The following PMPCB variants were observed in gnomAD, a reference collection of about 807,000 sequenced individuals.
PMPCB encodes mitochondrial-processing peptidase subunit beta.
In PMPCB, 46 loss-of-function variants were observed where a neutral mutation model predicts 61.5. The ratio of observed to expected loss-of-function variants is 0.75; its 90% CI spans 0.59 to 0.96. PMPCB has a LOEUF of 0.96. Among genes scored for constraint, PMPCB ranks in the 40% least tolerant of loss-of-function variants. The pLI is 0.00. For synonymous variants in PMPCB, 191 were observed against 201.6 expected, an observed-to-expected ratio of 0.95 and a Z score of 0.44; for missense variants, 590 against 602.4, an observed-to-expected ratio of 0.98 and a Z score of 0.22.
chr7:103,331,360 GAACATTTC>G (rs1040995875), downstream of PMPCB, among the ~76,000 whole-genome samples: 2 of 152,162 alleles, frequency 1.3e-5, no homozygotes, highest in Non-Finnish European at 2.9e-5. Context: ...TATGTATTGT[GAACATTTC>G]AAGTTCTGTC....
At chr7:103,330,604 A>T (rs1025838971), downstream of PMPCB, among the ~76,000 whole-genome samples, 7 of 152,178 alleles carry the variant, frequency 4.6e-5, no homozygotes, top group African/African-American at 1.7e-4. Flanking sequence ...GCCATGTGCC[A>T]CTACGCCCGG....
the PMPCB span, among the ~76,000 whole-genome samples, chr7:103,346,425 C>T: frequency 9.9e-5 from 15 of 152,144 alleles, no homozygotes; most frequent in Admixed American, 9.8e-4. Context: ...GCCACGGTGC[C>T]CGGTCGGGGG....
At chr7:103,304,546 C>T in intron 6 of PMPCB, 56 bp downstream of exon 6, 1 of 1,141,562 alleles carries the variant, frequency 8.8e-7, no homozygotes, top group Non-Finnish European at 1.3e-6. Context: ...GAGTGGTATG[C>T]TTATTAGTTT....
chr7:103,302,208 C>CA (rs1586040874), intron 4 of PMPCB, among the ~76,000 whole-genome samples: 1 of 152,080 alleles, frequency 6.6e-6, no homozygotes, highest in East Asian at 1.9e-4. Flanking sequence ...CATTGATGGA[C>CA]ATTTGGGTTG....
Position 103,328,492 on chromosome 7 carries a change from G to A in PMPCB, c.*1432-439G>A, listed in dbSNP as rs545762072. On this transcript the variant is annotated intron_variant and NMD_transcript_variant, in intron 12 of 12. Coordinates refer to the PMPCB transcript ENST00000444457. ...CTAAAAATACAAAAACTAGCTGGGC[G>A]TGGTGGTGCATGCCTGTGGTCCCAG... 1.2e-3 allele frequency among the ~76,000 whole-genome samples: 189 copies of A among 152,072 alleles called. 1 individual carries two copies. The highest frequency in any genetic ancestry group is 2.3e-3 in the Non-Finnish European group (154 of 67,982).
downstream of PMPCB, among the ~76,000 whole-genome samples, chr7:103,319,377 TAG>T (rs1199172944): frequency 4.6e-5 from 7 of 151,132 alleles, no homozygotes; most frequent in Non-Finnish European, 1.0e-4. Flanking sequence ...GCGGAGGTTG[TAG>T]TGAGCCAAGA....
chr7:103,345,608 T>A, the PMPCB span, among the ~76,000 whole-genome samples: 1 of 147,510 alleles, frequency 6.8e-6, no homozygotes, highest in South Asian at 2.1e-4. Flanking sequence ...TTAAATATAT[T>A]ATATATATAT....
At chr7:103,297,857 C>G in intron 1 of PMPCB, 1 of 1,472,844 alleles carries the variant, frequency 6.8e-7, no homozygotes, top group Non-Finnish European at 9.0e-7. Context: ...TTGGGGAAAA[C>G]TAAAAAGTGA....
At chr7:103,303,814 C>T (rs377561310) in intron 4 of PMPCB, 28 bp from the exon 5 acceptor site, 57 of 1,508,824 alleles carry the variant, frequency 3.8e-5, no homozygotes, top group African/African-American at 3.4e-4. Flanking sequence ...ATTGCTGGCA[C>T]GTTTTCTTAT....
At chr7:103,297,654 G>A (rs775649173) in intron 1 of PMPCB, 96 bp downstream of exon 1, 1 of 1,565,280 alleles carries the variant, frequency 6.4e-7, no homozygotes, top group Non-Finnish European at 8.6e-7. Context: ...ACAGTGGGTC[G>A]GGCAGGGCCT....
At chr7:103,341,891 T>C in the PMPCB span, 3 of 1,613,154 alleles carry the variant, frequency 1.9e-6, no homozygotes, top group East Asian at 2.2e-5. Context: ...AGCATTTCTG[T>C]TTCTCCTCTT....
rs1008609610 is a variant in PMPCB, at chr7:103,298,516, C to T, written c.100-52C>T. 11 of 1,526,950 alleles carry T rather than the reference C, an allele frequency of 7.2e-6. No homozygotes were observed. In the Admixed American group the frequency reaches 9.6e-5, roughly 13 times the overall value. The allele number at this position is 1,526,950 out of a possible 1,614,324, so 94.6% of individuals were successfully genotyped here. On this transcript the variant is annotated intron_variant, in intron 1 of 12. Coordinates refer to ENST00000249269, the MANE Select transcript of PMPCB (RefSeq NM_004279.3). ...TGGTTTTAAAAGCAACATTTAATAT[C>T]AGATTAGTAATGTGTTTTGCTTTGT...
chr7:103,337,955 T>C, the PMPCB span: 1 of 631,858 alleles, frequency 1.6e-6, no homozygotes, highest in Admixed American at 2.8e-5. Flanking sequence ...CCAGGGTCTA[T>C]GGTCAGGTAA....
downstream of PMPCB, among the ~76,000 whole-genome samples, chr7:103,333,638 C>T (rs1434993123): frequency 6.6e-6 from 1 of 152,142 alleles, no homozygotes; most frequent in African/African-American, 2.4e-5. Context: ...CCAAAAAGTT[C>T]CCTTGTACCC....
chr7:103,334,598 GA>G, the PMPCB span, among the ~76,000 whole-genome samples: 2 of 148,562 alleles, frequency 1.3e-5, no homozygotes, highest in African/African-American at 5.0e-5. Flanking sequence ...AAGAAATCTT[GA>G]AAAAAAATTT....
the PMPCB span, chr7:103,345,141 G>A: frequency 1.1e-5 from 2 of 183,610 alleles, no homozygotes; most frequent in African/African-American, 4.7e-5. Context: ...AATTACGTAC[G>A]TGTATTTGTG....
At chr7:103,305,088 C>T (rs1008793177) in intron 6 of PMPCB, among the ~76,000 whole-genome samples, 1 of 152,134 alleles carries the variant, frequency 6.6e-6, no homozygotes, top group Non-Finnish European at 1.5e-5. Flanking sequence ...AGATGGTGTT[C>T]TGTACTTTGA....
At position 103,310,313 on chromosome 7, in the gene PMPCB, A is replaced by T; in HGVS notation, c.994-2A>T. The T allele has an allele frequency of 6.2e-7, 1 of 1,605,760 alleles. No homozygotes were observed. The highest frequency in any genetic ancestry group is 1.7e-5 in the Admixed American group (1 of 57,450). ...TCTCTTGGAATTTTTTTTTCCTTGCAGAATTTATCTAGCAAGCTGGCCCAG... is the reference window on the plus strand; with the variant it reads ...TCTCTTGGAATTTTTTTTTCCTTGCTGAATTTATCTAGCAAGCTGGCCCAG... On this transcript the variant is annotated splice_acceptor_variant, in intron 8 of 12. Coordinates refer to ENST00000249269, the MANE Select transcript of PMPCB (RefSeq NM_004279.3). LOFTEE classifies it high-confidence loss of function.
In PMPCB at chr7:103,304,422, G is replaced by GTGGATTATATAACCACTA; in HGVS notation, c.669_670insGGATTATATAACCACTAT (p.Arg223_Lys224insGlyLeuTyrAsnHisTyr). 2 of 1,584,060 alleles carry GTGGATTATATAACCACTA rather than the reference G, an allele frequency of 1.3e-6. No homozygotes were observed. The highest frequency in any genetic ancestry group is 1.7e-6 in the Non-Finnish European group (2 of 1,152,962). ...TACTTCATTTACAGATCTATAAGTCGTAAGGACTTAGTGGATTATATAACC... is the reference window on the plus strand; with the variant it reads ...TACTTCATTTACAGATCTATAAGTCGTGGATTATATAACCACTATAAGGACTTAGTGGATTATATAACC... On this transcript the variant is annotated inframe_insertion, in exon 6 of 13. Coordinates refer to ENST00000249269, the MANE Select transcript of PMPCB (RefSeq NM_004279.3).
Sources: gnomAD v4.1 joint callset for allele counts (sites outside exome capture counted in the v4.1 genomes callset) on GRCh38, gnomAD v4.1.1 for gene constraint, MANE v1.5 for transcripts, NCBI Gene and HGNC (gene_info 2026-07-23, HGNC 2026-07-21) for gene names.